The following NDST3 variants were observed in gnomAD, a reference collection of about 807,000 sequenced individuals.
NDST3 encodes the protein bifunctional heparan sulfate N-deacetylase/N-sulfotransferase 3.
NDST3 carries 58 observed loss-of-function variants against 96.1 expected under a neutral mutation model. That is an observed-to-expected ratio of 0.60 (90% CI 0.49 to 0.75). NDST3 has a LOEUF of 0.75. NDST3 is among the 30% of genes least tolerant of loss of function. NDST3 has a pLI of 0.00. For missense variants in NDST3, 788 were observed against 1,034.2 expected, an observed-to-expected ratio of 0.76 and a Z score of 3.27; for synonymous variants, 333 against 359.7, an observed-to-expected ratio of 0.93 and a Z score of 0.84.
chr4:118,109,440 T>C (rs138497215), intron 3 of NDST3, among the ~76,000 whole-genome samples: 1 of 152,202 alleles, frequency 6.6e-6, no homozygotes, highest in African/African-American at 2.4e-5. Context: ...TGGGGAATGA[T>C]GCTAGCCAAT....
At chr4:118,092,839 G>T (rs1728988346) in intron 2 of NDST3, among the ~76,000 whole-genome samples, 1 of 151,798 alleles carries the variant, frequency 6.6e-6, no homozygotes, top group Non-Finnish European at 1.5e-5. Context: ...ACACTGGCAG[G>T]TGTTGTGGAG....
chr4:118,202,195 T>A (rs1033861991), intron 6 of NDST3, among the ~76,000 whole-genome samples: 4 of 152,154 alleles, frequency 2.6e-5, no homozygotes, highest in Non-Finnish European at 4.4e-5. Flanking sequence ...AGCCTTATAG[T>A]AGTAGTGTAG....
intron 2 of NDST3, among the ~76,000 whole-genome samples, chr4:118,075,816 T>A (rs1011627176): frequency 6.6e-6 from 1 of 152,148 alleles, no homozygotes; most frequent in Admixed American, 6.6e-5. Context: ...GTCAGATGGG[T>A]AGATTGCAAA....
At chr4:118,043,328 A>C (rs1272638291) in intron 1 of NDST3, among the ~76,000 whole-genome samples, 1 of 152,236 alleles carries the variant, frequency 6.6e-6, no homozygotes, top group African/African-American at 2.4e-5. Flanking sequence ...TATTCCATTA[A>C]TTCCACAAAA....
chr4:118,116,442 CA>C (rs1365272305), intron 4 of NDST3, among the ~76,000 whole-genome samples: 1 of 151,964 alleles, frequency 6.6e-6, no homozygotes, highest in Non-Finnish European at 1.5e-5. Context: ...AAAGACATGT[CA>C]TTCACTGTTA....
rs539269705 is a variant in NDST3, at chr4:118,126,516, A to G, written c.1225-11538A>G. On this transcript the variant is annotated intron_variant, in intron 4 of 13. Transcript: ENST00000296499. Reference sequence around the variant, plus strand: ...TATTATACTGTGTGTATGTATGTGTATATATATATATATATATACACATAT... The same window carrying G: ...TATTATACTGTGTGTATGTATGTGTGTATATATATATATATATACACATAT... Among the ~76,000 whole-genome samples, 74 of 25,994 alleles carry G rather than the reference A, an allele frequency of 2.8e-3. 1 individual carries two copies. The highest frequency in any genetic ancestry group is 0.017 in the South Asian group (6 of 360). 17.1% of individuals were successfully genotyped at this position (25,994 alleles called of 152,430 possible).
chr4:118,169,708 C>T (rs902941189), intron 6 of NDST3, among the ~76,000 whole-genome samples: 6 of 151,720 alleles, frequency 4.0e-5, no homozygotes, highest in Admixed American at 3.9e-4. Flanking sequence ...GCACAAGAAT[C>T]GCTTGAACCC....
intron 6 of NDST3, among the ~76,000 whole-genome samples, chr4:118,185,800 T>A (rs1318242748): frequency 6.6e-6 from 1 of 152,186 alleles, no homozygotes; most frequent in African/African-American, 2.4e-5. Context: ...GACACAAGAA[T>A]GGGTTTATTT....
At chr4:118,151,138 CA>C (rs1372546894) in intron 6 of NDST3, among the ~76,000 whole-genome samples, 2 of 151,926 alleles carry the variant, frequency 1.3e-5, no homozygotes, top group Admixed American at 6.6e-5. Context: ...ATCGCAAGAA[CA>C]AAAAACCAAA....
At chr4:118,187,254 C>A (rs866346665) in intron 6 of NDST3, among the ~76,000 whole-genome samples, 21 of 152,192 alleles carry the variant, frequency 1.4e-4, no homozygotes, top group African/African-American at 4.8e-4. Context: ...AATTATTTAG[C>A]ATAACTTTCA....
At chr4:118,221,520 T>C (rs145002045) in intron 6 of NDST3, among the ~76,000 whole-genome samples, 15 of 152,146 alleles carry the variant, frequency 9.9e-5, no homozygotes, top group African/African-American at 3.6e-4. Flanking sequence ...GTATTTTGCT[T>C]TTTATTCTTG....
At chr4:118,181,891 T>C (rs767034032) in intron 6 of NDST3, among the ~76,000 whole-genome samples, 1 of 152,088 alleles carries the variant, frequency 6.6e-6, no homozygotes, top group Non-Finnish European at 1.5e-5. Context: ...ACAAATAAAA[T>C]AAACCAAAAT....
chr4:118,063,246 G>A (rs1726046910), intron 2 of NDST3, among the ~76,000 whole-genome samples: 1 of 151,482 alleles, frequency 6.6e-6, no homozygotes, highest in Non-Finnish European at 1.5e-5. Context: ...TGATACAGGA[G>A]GGCTGTCATA....
At chr4:118,066,618 C>T (rs59434569) in intron 2 of NDST3, among the ~76,000 whole-genome samples, 13,500 of 15,048 alleles carry the variant, frequency 0.9, 6,240 homozygotes, top group Middle Eastern at 1. Flanking sequence ...TTATATATAA[C>T]ATGTTATATA....
intron 1 of NDST3, among the ~76,000 whole-genome samples, chr4:118,042,577 C>T (rs955660459): frequency 1.3e-5 from 2 of 152,234 alleles, no homozygotes; most frequent in East Asian, 3.8e-4. Flanking sequence ...TTTTCAAGCT[C>T]ATACTCTTGT....
intron 6 of NDST3, among the ~76,000 whole-genome samples, chr4:118,218,799 T>C (rs537575954): frequency 6.6e-6 from 1 of 152,238 alleles, no homozygotes. Context: ...AACCCCATCG[T>C]CTCAGCTCCA....
At chr4:118,149,199 G>C (rs1734192754) in intron 6 of NDST3, among the ~76,000 whole-genome samples, 1 of 152,278 alleles carries the variant, frequency 6.6e-6, no homozygotes, top group South Asian at 2.1e-4. Flanking sequence ...GGTTCCTCCA[G>C]CTTTGTTCTT....
intron 1 of NDST3, among the ~76,000 whole-genome samples, chr4:118,040,494 C>T (rs1258122385): frequency 6.6e-6 from 1 of 152,060 alleles, no homozygotes; most frequent in Non-Finnish European, 1.5e-5. Context: ...TAAGGGTGGG[C>T]TTATGTGCTT....
At chr4:118,252,911 G>GA (rs1352325611) in intron 12 of NDST3, among the ~76,000 whole-genome samples, 1 of 151,662 alleles carries the variant, frequency 6.6e-6, no homozygotes, top group Non-Finnish European at 1.5e-5. Context: ...AAAGAAAAAA[G>GA]AAAAAAATTC....
Sources: gnomAD v4.1 joint callset for allele counts (sites outside exome capture counted in the v4.1 genomes callset) on GRCh38, gnomAD v4.1.1 for gene constraint, MANE v1.5 for transcripts, NCBI Gene and HGNC (gene_info 2026-07-23, HGNC 2026-07-21) for gene names.